Variants in CADPS observed in about 807,000 individuals in gnomAD.
The protein encoded by CADPS is calcium-dependent secretion activator 1.
Under a neutral mutation model 167.3 loss-of-function variants are expected in CADPS, and 57 were observed. The ratio of observed to expected loss-of-function variants is 0.34; its 90% CI spans 0.28 to 0.42. CADPS has a LOEUF of 0.42. Among genes scored for constraint, CADPS ranks in the 20% least tolerant of loss-of-function variants. The probability of loss-of-function intolerance (pLI) is 1.00; values close to 1 mark genes in which losing one functional copy is unlikely to be tolerated. For synonymous variants in CADPS, 676 were observed against 635.3 expected (o/e 1.06, Z -0.96); for missense variants, 1,414 against 1,738.1 (o/e 0.81, Z 3.32).
At chr3:62,768,841 G>A (rs1054508693) in intron 1 of CADPS, among the ~76,000 whole-genome samples, 1 of 152,154 alleles carries the variant, frequency 6.6e-6, no homozygotes, top group Non-Finnish European at 1.5e-5. Flanking sequence ...TTTTAATCAA[G>A]TTCAGAGAAC....
chr3:62,875,019 G>A lies in CADPS; in HGVS notation c.11C>T (p.Pro4Leu), dbSNP rs1234944909. The A allele has an allele frequency of 1.2e-5, 19 of 1,595,898 alleles. No individual in the cohort carries two copies. The highest frequency in any genetic ancestry group is 1.6e-5 in the Non-Finnish European group (19 of 1,171,148). The change falls in exon 1 of 30, where the codon CCT becomes CTT. Residue 4 changes from proline (P) to leucine (L), a missense_variant. Pro to Leu is a moderately conservative substitution (Grantham distance 98). Coordinates refer to ENST00000383710, the MANE Select transcript of CADPS (RefSeq NM_003716.4). ...ATCCGATTCTTCTTCGCTGGACGAA[G>A]GGTCCAGCATAGTGGCGCCTGGGGA... MLD[P>L]SSSEEESDEI...
intron 8 of CADPS, among the ~76,000 whole-genome samples, chr3:62,571,441 C>T (rs1019984419): frequency 7.2e-5 from 11 of 152,126 alleles, no homozygotes; most frequent in African/African-American, 2.2e-4. Flanking sequence ...CTTCCTTCCT[C>T]CTTCTCCAAA....
At position 62,765,738 on chromosome 3, in the gene CADPS, T is replaced by C. The variant is rs374375728; in HGVS notation, c.555+133A>G. The C allele has an allele frequency of 8.7e-5, 48 of 553,498 alleles. 1 individual carries two copies. The highest frequency in any genetic ancestry group is 8.5e-4 in the African/African-American group (46 of 53,896). The allele number at this position is 553,498 out of a possible 1,614,324, so 34.3% of individuals were successfully genotyped here. ...TGTTATTTCTTAACATTGTAACGAA[T>C]CACCAACCCATTTGCCTTAGGAAGG... On this transcript the variant is annotated intron_variant, in intron 2 of 29. Transcript: ENST00000383710.
intron 24 of CADPS, among the ~76,000 whole-genome samples, chr3:62,473,286 C>CCAGGAAGAG (rs2060849934): frequency 6.6e-6 from 1 of 151,894 alleles, no homozygotes; most frequent in Admixed American, 6.6e-5. Flanking sequence ...GATGATCTTG[C>CCAGGAAGAG]CAGGAAGAGA....
rs377560437 is a variant in CADPS, at chr3:62,791,292, A to G, written c.442-25308T>C. 2.0e-5 allele frequency among the ~76,000 whole-genome samples: 3 copies of G among 152,200 alleles called. No individual in the cohort carries two copies. In the East Asian group the frequency reaches 5.8e-4, roughly 29 times the overall value. On this transcript the variant is annotated intron_variant, in intron 1 of 29. Transcript: ENST00000383710. ...CTACATGTGGTTAGTTAGTGCTTGC[A>G]ATATGACTAGTGTGAATGAAGAACT...
At chr3:62,775,801 A>C (rs1313254819) in intron 1 of CADPS, among the ~76,000 whole-genome samples, 1 of 151,728 alleles carries the variant, frequency 6.6e-6, no homozygotes, top group Non-Finnish European at 1.5e-5. Context: ...TTACCATTTC[A>C]CTGTATAGAA....
At chr3:62,574,039 C>G (rs1356895506) in intron 8 of CADPS, among the ~76,000 whole-genome samples, 1 of 152,142 alleles carries the variant, frequency 6.6e-6, no homozygotes, top group Non-Finnish European at 1.5e-5. Flanking sequence ...AACATGTAAT[C>G]CATTGCCAAG....
chr3:62,585,315 G>A lies in CADPS; in HGVS notation c.1447C>T (p.His483Tyr). 6.2e-7 allele frequency: 1 copy of A among 1,608,710 alleles called. No homozygotes were observed. The highest frequency in any genetic ancestry group is 1.3e-5 in the African/African-American group (1 of 74,784). The change falls in exon 8 of 30, where the codon CAT becomes TAT. Residue 483 changes from histidine to tyrosine, a missense_variant. Coordinates refer to ENST00000383710, the MANE Select transcript of CADPS (RefSeq NM_003716.4). ...EDKELGRVIL[H>Y]PTPNSPKQSE... ...TGTTTGGGGCTGTTCGGGGTGGGAT[G>A]GAGAATAACCTGTAGGGGAAAAAGG... is the stretch of plus-strand genomic sequence containing the variant.
intron 27 of CADPS, chr3:62,439,257 A>T (rs1287245586): frequency 6.6e-6 from 1 of 152,204 alleles, no homozygotes; most frequent in African/African-American, 2.4e-5. Context: ...AAGTTAGTTA[A>T]CACTTCTGTG....
chr3:62,534,893 T>G (rs184336471), intron 12 of CADPS, among the ~76,000 whole-genome samples: 133 of 152,310 alleles, frequency 8.7e-4, no homozygotes, highest in African/African-American at 2.8e-3. Context: ...GACCATAATT[T>G]TAAGCCTATA....
intron 28 of CADPS, among the ~76,000 whole-genome samples, chr3:62,425,990 G>T (rs1460036719): frequency 6.6e-6 from 1 of 152,090 alleles, no homozygotes; most frequent in East Asian, 1.9e-4. Context: ...ATTTCCTTTA[G>T]CGATACTGTG....
At chr3:62,467,183 G>T in intron 24 of CADPS, 1 of 355,878 alleles carries the variant, frequency 2.8e-6, no homozygotes, top group Non-Finnish European at 4.4e-6. Context: ...AATATTATAT[G>T]CCAGCTCCTT....
At chr3:62,780,084 G>C (rs987124480) in intron 1 of CADPS, among the ~76,000 whole-genome samples, 2 of 151,946 alleles carry the variant, frequency 1.3e-5, no homozygotes, top group African/African-American at 4.8e-5. Context: ...TTTCTTCCAG[G>C]CTGGTCTCAA....
chr3:62,746,627 T>C (rs910235643), intron 3 of CADPS, among the ~76,000 whole-genome samples: 4 of 152,218 alleles, frequency 2.6e-5, no homozygotes, highest in Non-Finnish European at 5.9e-5. Context: ...TGTGAGCCAC[T>C]GTGCCCAACC....
intron 17 of CADPS, 38 bp downstream of exon 17, chr3:62,512,713 A>T (rs1334961854): frequency 6.4e-7 from 1 of 1,550,616 alleles, no homozygotes; most frequent in East Asian, 2.3e-5. Flanking sequence ...GTAACTCAAC[A>T]GTCCTGATAA....
At chr3:62,566,332 G>A (rs2080187422) in intron 9 of CADPS, among the ~76,000 whole-genome samples, 1 of 152,204 alleles carries the variant, frequency 6.6e-6, no homozygotes, top group South Asian at 2.1e-4. Context: ...TGGCTAAAGA[G>A]AAACTGAAAA....
intron 3 of CADPS, among the ~76,000 whole-genome samples, chr3:62,717,497 A>T (rs1360422128): frequency 6.6e-6 from 1 of 152,196 alleles, no homozygotes; most frequent in Admixed American, 6.5e-5. Flanking sequence ...TCATCTTCGA[A>T]AATAACACCT....
At chr3:62,573,832 G>C (rs2081768516) in intron 8 of CADPS, among the ~76,000 whole-genome samples, 1 of 152,164 alleles carries the variant, frequency 6.6e-6, no homozygotes, top group Admixed American at 6.5e-5. Context: ...TTTCTGGAGG[G>C]AAGGAACCCT....
intron 1 of CADPS, among the ~76,000 whole-genome samples, chr3:62,825,438 A>G (rs1049851510): frequency 6.6e-6 from 1 of 152,022 alleles, no homozygotes; most frequent in Non-Finnish European, 1.5e-5. Flanking sequence ...AGACCTACTA[A>G]CTCTGAAACT....
Sources: allele counts gnomAD v4.1 joint callset (sites outside exome capture counted in the v4.1 genomes callset), GRCh38; gene constraint gnomAD v4.1.1; transcripts MANE v1.5; gene names NCBI Gene and HGNC (gene_info 2026-07-23, HGNC 2026-07-21).